The following HDAC4 variants were observed in gnomAD, a reference collection of about 807,000 sequenced individuals.
HDAC4 encodes the protein histone deacetylase 4, also known as histone deacetylase A.
HDAC4 carries 16 observed loss-of-function variants against 135.1 expected under a neutral mutation model. The ratio of observed to expected loss-of-function variants is 0.12; its 90% confidence interval spans 0.08 to 0.18. HDAC4 has a LOEUF of 0.18. Among genes scored for constraint, HDAC4 ranks in the 10% least tolerant of loss-of-function variants. The pLI is 1.00. For missense variants in HDAC4, 1,143 were observed against 1,511.8 expected (o/e 0.76, Z 4.05); for synonymous variants, 685 against 653.4 (o/e 1.05, Z -0.74).
chr2:239,115,276 G>C lies in HDAC4; in HGVS notation c.1568C>G (p.Pro523Arg), dbSNP rs1281977096. 9.3e-6 allele frequency: 15 copies of C among 1,613,228 alleles called. No homozygotes were observed. Among genetic ancestry groups the C allele is most frequent in the Non-Finnish European group, 1.3e-5 (15 of 1,179,958 alleles). The change falls in exon 13 of 27, where the codon CCG becomes CGG. Residue 523 changes from proline (P) to arginine (R), a missense_variant. Pro to Arg is a moderately radical substitution (Grantham distance 103, BLOSUM62 -2). This residue lies in a region of HDAC4 where 196 missense variants were observed against 210.7 expected (regional missense o/e 0.93). Transcript: ENST00000543185. This position sits in a 1 kb window ranked among gnomAD's most constrained non-coding sequence, Gnocchi z 6.3. ...IPKPSEPARQ[P>R]ESHPEETEEE... ...CTCCGTCTCCTCCGGGTGGCTCTCC[G>C]GCTGCCGGGCTGGCTCGCTTGGCTT... is the stretch of plus-strand genomic sequence containing the variant.
intron 2 of HDAC4, among the ~76,000 whole-genome samples, chr2:239,298,918 G>C (rs1416875680): frequency 7.3e-6 from 1 of 137,840 alleles, no homozygotes; most frequent in Non-Finnish European, 1.5e-5. Flanking sequence ...GCCCAGGCTG[G>C]AGTGCGGTGG....
intron 1 of HDAC4, among the ~76,000 whole-genome samples, chr2:239,365,644 T>A (rs944787091): frequency 2.1e-4 from 31 of 148,576 alleles, no homozygotes; most frequent in South Asian, 2.2e-4. Flanking sequence ...CCGAGGGACA[T>A]GGACAGACAT....
chr2:239,189,730 C>A, intron 4 of HDAC4, 103 bp downstream of exon 4: 1 of 1,130,980 alleles, frequency 8.8e-7, no homozygotes, highest in Non-Finnish European at 1.3e-6. Context: ...AACCCTGCAT[C>A]ATGCCTGGGG....
At chr2:239,094,106 G>T (rs1453370078) in intron 17 of HDAC4, 25 of 985,320 alleles carry the variant, frequency 2.5e-5, no homozygotes, top group Non-Finnish European at 2.9e-5. Flanking sequence ...TTCGGCTGCA[G>T]CGGCTCCTGC....
chr2:239,248,005 G>T (rs1217331290), intron 2 of HDAC4, among the ~76,000 whole-genome samples: 1 of 152,198 alleles, frequency 6.6e-6, no homozygotes, highest in African/African-American at 2.4e-5. Context: ...GTGAGATGGG[G>T]AGAGAGTGAG....
chr2:239,334,429 G>A (rs911047899), intron 2 of HDAC4, among the ~76,000 whole-genome samples: 2 of 152,118 alleles, frequency 1.3e-5, no homozygotes, highest in South Asian at 4.1e-4. Flanking sequence ...GCTAAGGCAC[G>A]AGAACTGCTT....
At chr2:239,151,906 G>A (rs961203181) in intron 7 of HDAC4, among the ~76,000 whole-genome samples, 6 of 152,194 alleles carry the variant, frequency 3.9e-5, no homozygotes, top group African/African-American at 1.4e-4. Flanking sequence ...TGGACAAGGA[G>A]TGCTGTGGAG....
At chr2:239,253,542 G>C (rs2048898202) in intron 2 of HDAC4, among the ~76,000 whole-genome samples, 1 of 152,174 alleles carries the variant, frequency 6.6e-6, no homozygotes, top group African/African-American at 2.4e-5. Context: ...AAAGCACAGA[G>C]CCTCCTCATG....
At chr2:239,160,943 G>A (rs1389928252) in intron 6 of HDAC4, among the ~76,000 whole-genome samples, 4 of 152,194 alleles carry the variant, frequency 2.6e-5, no homozygotes, top group Non-Finnish European at 4.4e-5. Flanking sequence ...CAGGGACACC[G>A]CATCTGCTCC....
chr2:239,101,541 C>A lies in HDAC4; in HGVS notation c.2233+1235G>T, dbSNP rs116824382. Among the ~76,000 whole-genome samples the A allele has an allele frequency of 2.1e-3, 318 of 152,282 alleles. 3 individuals carry two copies. Among genetic ancestry groups the A allele is most frequent in the African/African-American group, 7.0e-3 (292 of 41,556 alleles). On this transcript the variant is annotated intron_variant, in intron 16 of 26. Coordinates refer to ENST00000543185, the MANE Select transcript of HDAC4 (RefSeq NM_001378414.1). ...CCTCTCCTTGCCCCTGCAACCCCTG[C>A]GTTCATGGTTCCTAGTTCTCCCTCT...
chr2:239,298,620 G>C (rs372511943), intron 2 of HDAC4: 2 of 993,290 alleles, frequency 2.0e-6, no homozygotes. Flanking sequence ...AGCAGTGATA[G>C]GAACAGCCTG....
intron 16 of HDAC4, among the ~76,000 whole-genome samples, chr2:239,095,769 G>T (rs939678611): frequency 2.6e-5 from 4 of 152,204 alleles, no homozygotes; most frequent in Admixed American, 2.0e-4. Flanking sequence ...TTGACCCAGT[G>T]CTGGCTGAAT....
At chr2:239,266,054 G>A (rs1037418991) in intron 2 of HDAC4, among the ~76,000 whole-genome samples, 4 of 152,206 alleles carry the variant, frequency 2.6e-5, no homozygotes, top group African/African-American at 9.6e-5. Flanking sequence ...GAGCCCCTAA[G>A]CCTGCGCAGA....
intron 4 of HDAC4, among the ~76,000 whole-genome samples, chr2:239,189,568 C>T (rs141030823): frequency 1.8e-3 from 269 of 152,312 alleles, no homozygotes; most frequent in African/African-American, 6.2e-3. Flanking sequence ...TGAAATTAGG[C>T]GATAAGCATT....
intron 6 of HDAC4, 49 bp from the exon 7 acceptor site, chr2:239,156,822 C>G: frequency 6.2e-7 from 1 of 1,612,320 alleles, no homozygotes; most frequent in Non-Finnish European, 8.5e-7. Context: ...GCGCACTGCC[C>G]CAGGCATGCT....
chr2:239,111,737 G>A (rs983820176), intron 13 of HDAC4, 25 bp from the exon 14 acceptor site: 2 of 1,570,006 alleles, frequency 1.3e-6, no homozygotes, highest in Admixed American at 3.7e-5. Flanking sequence ...CGGCCGTGTT[G>A]GCGGTTGCGG....
chr2:239,178,608 C>T (rs2043927983), intron 4 of HDAC4, among the ~76,000 whole-genome samples: 1 of 152,072 alleles, frequency 6.6e-6, no homozygotes, highest in Admixed American at 6.5e-5. Flanking sequence ...GGTCTCAAAC[C>T]CCTGGGCTCA....
chr2:239,321,258 G>A (rs983449127), intron 2 of HDAC4, among the ~76,000 whole-genome samples: 174 of 152,210 alleles, frequency 1.1e-3, no homozygotes, highest in African/African-American at 4.0e-3. Context: ...GAGGTCAGGA[G>A]ATCGAGACCA....
At chr2:239,194,867 C>G (rs894199941) in intron 3 of HDAC4, among the ~76,000 whole-genome samples, 2 of 152,224 alleles carry the variant, frequency 1.3e-5, no homozygotes, top group African/African-American at 4.8e-5. Context: ...TTAGCGCATG[C>G]TGGAAGGTGC....
Sources: gnomAD v4.1 joint callset for allele counts (sites outside exome capture counted in the v4.1 genomes callset) on GRCh38, gnomAD v4.1.1 for gene constraint, gnomAD v4.1.1 regional missense constraint, Gnocchi (gnomAD v3.1) non-coding constraint, MANE v1.5 for transcripts, NCBI Gene and HGNC (gene_info 2026-07-23, HGNC 2026-07-21) for gene names.